NF1: variants seen among roughly 807,000 people sequenced by gnomAD.
The protein encoded by NF1 is neurofibromin 1.
Under a neutral mutation model 325.7 loss-of-function variants are expected in NF1, and 122 were observed. The observed-to-expected ratio is 0.37, with a 90% CI of 0.32 to 0.44. The LOEUF is 0.44. Ranked by LOEUF, NF1 falls within the 20% of genes least tolerant of loss-of-function variation. The pLI, the probability that NF1 is intolerant of heterozygous loss-of-function variation, is 1.00. For synonymous variants in NF1, 1,091 were observed against 1,186.0 expected, an observed-to-expected ratio of 0.92 and a Z score of 1.65; for missense variants, 2,140 against 3,415.4, an observed-to-expected ratio of 0.63 and a Z score of 9.31.
intron 24 of NF1, among the ~76,000 whole-genome samples, 197 bp downstream of exon 24, chr17:31,231,122 A>G (rs1188490447): frequency 2.0e-5 from 3 of 152,158 alleles, no homozygotes; most frequent in African/African-American, 7.2e-5. Context: ...ATTAAATGTG[A>G]AAGAGTGATA....
At chr17:31,202,091 C>A (rs143957589) in intron 11 of NF1, among the ~76,000 whole-genome samples, 1 of 152,080 alleles carries the variant, frequency 6.6e-6, no homozygotes, top group Non-Finnish European at 1.5e-5. Context: ...AAGGTACTTG[C>A]GAAACCTTCA....
Position 31,336,193 on chromosome 17 carries a change from T to G in NF1, c.6007-140T>G. The G allele has an allele frequency of 1.3e-6, 1 of 796,986 alleles. No homozygotes were observed. Among genetic ancestry groups the G allele is most frequent in the East Asian group, 2.7e-5 (1 of 36,848 alleles). The allele number at this position is 796,986 out of a possible 1,614,324, so 49.4% of individuals were successfully genotyped here. On this transcript the variant is annotated intron_variant, in intron 40 of 57. Transcript: ENST00000358273. The surrounding 1 kb of genome is among the most constrained non-coding windows in gnomAD (Gnocchi z 5.5). ...AATAAATTGTATTTACTGACAGGCCTGTAAATAAAATCTAGTATTTTTGAG... is the reference window on the plus strand; with the variant it reads ...AATAAATTGTATTTACTGACAGGCCGGTAAATAAAATCTAGTATTTTTGAG...
At chr17:31,228,384 C>T (rs1217577199) in intron 20 of NF1, among the ~76,000 whole-genome samples, 2 of 151,982 alleles carry the variant, frequency 1.3e-5, no homozygotes, top group African/African-American at 2.4e-5. Flanking sequence ...TACCTAATAC[C>T]TTTATTTGGA....
chr17:31,113,817 C>T (rs1913645404), intron 1 of NF1, among the ~76,000 whole-genome samples: 1 of 152,174 alleles, frequency 6.6e-6, no homozygotes. Context: ...ACAGATATTT[C>T]ATCTTCTTTA....
intron 1 of NF1, among the ~76,000 whole-genome samples, chr17:31,103,492 G>A (rs1021260511): frequency 5.3e-5 from 8 of 152,158 alleles, no homozygotes; most frequent in East Asian, 1.9e-4. Context: ...TGATCCGCCC[G>A]CTTCAGCCTC....
chr17:31,126,822 C>G (rs1405870792), intron 1 of NF1, among the ~76,000 whole-genome samples: 1 of 152,050 alleles, frequency 6.6e-6, no homozygotes, highest in African/African-American at 2.4e-5. Flanking sequence ...GATTGAAATT[C>G]TTGATCTTAC....
chr17:31,302,653 A>G (rs1382474979), intron 36 of NF1, among the ~76,000 whole-genome samples: 2 of 151,978 alleles, frequency 1.3e-5, no homozygotes, highest in Non-Finnish European at 2.9e-5. Flanking sequence ...CAGCCTGGCC[A>G]ATATGGTGAA....
chr17:31,363,519 C>G (rs1419743982), intron 57 of NF1, among the ~76,000 whole-genome samples: 1 of 150,468 alleles, frequency 6.6e-6, no homozygotes, highest in Admixed American at 6.6e-5. Context: ...TCACTGCAAC[C>G]TCTGCCTCCC....
At chr17:31,194,545 C>T (rs1002475020) in intron 8 of NF1, among the ~76,000 whole-genome samples, 16 of 152,028 alleles carry the variant, frequency 1.1e-4, no homozygotes, top group African/African-American at 3.6e-4. Context: ...TGAATGTTCC[C>T]AGCACAAAGA....
chr17:31,208,608 A>G (rs924349507), intron 12 of NF1, among the ~76,000 whole-genome samples: 2 of 152,110 alleles, frequency 1.3e-5, no homozygotes, highest in Non-Finnish European at 2.9e-5. Flanking sequence ...GAAGAACTCA[A>G]CACCGGACAC....
At position 31,120,542 on chromosome 17, in the gene NF1, C is replaced by T. The variant is rs1202965534; in HGVS notation, c.60+25173C>T. On this transcript the variant is annotated intron_variant, in intron 1 of 57. Coordinates refer to ENST00000358273, the MANE Select transcript of NF1 (RefSeq NM_001042492.3). ...GGGTTTTCTAAATATACAGTCATGT[C>T]ATCTGCAGACAGAGACAGTTTGACT... is the stretch of plus-strand genomic sequence containing the variant. Among the ~76,000 whole-genome samples, 4 of 152,272 alleles carry T rather than the reference C, an allele frequency of 2.6e-5. No individual in the cohort carries two copies. The East Asian group carries it at 5.8e-4, about 22-fold the overall frequency.
In NF1 at chr17:31,286,034, C is replaced by T. The variant is rs180956897; in HGVS notation, c.4835+20695C>T. ...TTATAGTCAACTCATAGTTAATATA[C>T]GAATATTTTTTACTAACTTCAAGTG... On this transcript the variant is annotated intron_variant, in intron 36 of 57. Transcript: ENST00000358273. 2.6e-5 allele frequency among the ~76,000 whole-genome samples: 4 copies of T among 152,178 alleles called. No homozygotes were observed. The East Asian group carries it at 5.8e-4, about 22-fold the overall frequency.
chr17:31,345,354 G>A (rs1029399089), intron 48 of NF1, among the ~76,000 whole-genome samples: 1 of 152,222 alleles, frequency 6.6e-6, no homozygotes, highest in African/African-American at 2.4e-5. Flanking sequence ...GCTGAGGGGA[G>A]GGGTTGTCTT....
Position 31,166,946 on chromosome 17 carries a change from A to G in NF1, c.480-2945A>G, listed in dbSNP as rs996117150. On this transcript the variant is annotated intron_variant, in intron 4 of 57. Coordinates refer to ENST00000358273, the MANE Select transcript of NF1 (RefSeq NM_001042492.3). ...TTTTCTTCTTCTTTTCTGGACCTATACATTTAAAATATCTTTCAGTATGCC... is the reference window on the plus strand; with the variant it reads ...TTTTCTTCTTCTTTTCTGGACCTATGCATTTAAAATATCTTTCAGTATGCC... Among the ~76,000 whole-genome samples, 5 of 152,200 alleles carry G rather than the reference A, an allele frequency of 3.3e-5. No homozygotes were observed. The East Asian group carries it at 9.6e-4, about 29-fold the overall frequency.
intron 34 of NF1, among the ~76,000 whole-genome samples, chr17:31,261,350 C>T (rs796310508): frequency 6.6e-6 from 1 of 151,894 alleles, no homozygotes; most frequent in Non-Finnish European, 1.5e-5. Flanking sequence ...ACTTGCTGTC[C>T]CATCTAGTTA....
At chr17:31,117,701 AAAG>A (rs1914068150) in intron 1 of NF1, among the ~76,000 whole-genome samples, 3 of 150,026 alleles carry the variant, frequency 2.0e-5, no homozygotes, top group African/African-American at 7.4e-5. Flanking sequence ...AAAAAAAAAA[AAAG>A]GAATAGTGAT....
At chr17:31,277,100 A>C (rs2151481241) in intron 36 of NF1, among the ~76,000 whole-genome samples, 1 of 152,318 alleles carries the variant, frequency 6.6e-6, no homozygotes, top group East Asian at 1.9e-4. Flanking sequence ...CTGTTCTCTG[A>C]GTGGAAGTGG....
intron 35 of NF1, 112 bp from the exon 36 acceptor site, chr17:31,265,116 CT>C (rs1314710201): frequency 1.3e-6 from 1 of 794,240 alleles, no homozygotes; most frequent in Non-Finnish European, 2.0e-6. Flanking sequence ...ATGCCTGTTG[CT>C]TTTAAAATAT....
At chr17:31,270,692 C>A (rs557134747) in intron 36 of NF1, among the ~76,000 whole-genome samples, 3 of 152,164 alleles carry the variant, frequency 2.0e-5, no homozygotes, top group East Asian at 3.8e-4. Flanking sequence ...TGATACCTGG[C>A]AATTGCTTTT....
Sources: gnomAD v4.1 joint callset for allele counts (sites outside exome capture counted in the v4.1 genomes callset) on GRCh38, gnomAD v4.1.1 for gene constraint, Gnocchi (gnomAD v3.1) non-coding constraint, MANE v1.5 for transcripts, NCBI Gene and HGNC (gene_info 2026-07-23, HGNC 2026-07-21) for gene names.